GALNT15: variants seen among roughly 807,000 people sequenced by gnomAD.
GALNT15 encodes polypeptide N-acetylgalactosaminyltransferase 15.
A neutral mutation model predicts 66.8 loss-of-function variants in GALNT15; 67 were observed. That is an observed-to-expected ratio of 1.00 (90% CI 0.82 to 1.23). The LOEUF (loss-of-function observed/expected upper bound fraction) is 1.23, where lower values mean the gene tolerates loss of function less well. Among genes scored for constraint, GALNT15 ranks in the 50% most tolerant of loss-of-function variants. The pLI is 0.00. For synonymous variants in GALNT15, 313 were observed against 311.5 expected, an observed-to-expected ratio of 1.00 and a Z score of -0.05; for missense variants, 827 against 804.3, an observed-to-expected ratio of 1.03 and a Z score of -0.34.
At chr3:16,205,435 GTTGGCAGC>G (rs1316435352) in intron 3 of GALNT15, among the ~76,000 whole-genome samples, 2 of 152,206 alleles carry the variant, frequency 1.3e-5, no homozygotes, top group Non-Finnish European at 2.9e-5. Context: ...ACCAGTCTTT[GTTGGCAGC>G]TTGACTCCTT....
chr3:16,235,743 G>A (rs1306410877), downstream of GALNT15, among the ~76,000 whole-genome samples: 3 of 152,158 alleles, frequency 2.0e-5, no homozygotes, highest in African/African-American at 7.2e-5. Context: ...TCAAGGAACA[G>A]GGATAAGTCC....
In GALNT15 at chr3:16,219,715, C is replaced by T. The variant is rs1448616839; in HGVS notation, c.1524+181C>T. ...AAGGTGGCTGAGTTTTGCCCCATTA[C>T]CCACCCCAAAGCACCTCCTTCAAGA... On this transcript the variant is annotated intron_variant, in intron 7 of 9. Coordinates refer to ENST00000339732, the MANE Select transcript of GALNT15 (RefSeq NM_054110.5). The surrounding 1 kb of genome is among the most constrained non-coding windows in gnomAD (Gnocchi z 4.3). Among the ~76,000 whole-genome samples the T allele has an allele frequency of 2.0e-4, 31 of 152,360 alleles. No homozygotes were observed. The highest frequency in any genetic ancestry group is 7.3e-5 in the Non-Finnish European group (5 of 68,028).
the GALNT15 span, among the ~76,000 whole-genome samples, chr3:16,239,897 C>A: frequency 1.3e-5 from 2 of 152,220 alleles, no homozygotes; most frequent in Admixed American, 6.5e-5. This position sits in a 1 kb window ranked among gnomAD's most constrained non-coding sequence, Gnocchi z 5.2. Flanking sequence ...ACAATAGTGA[C>A]AACCTTTTAA....
chr3:16,212,836 C>A (rs2063832018), intron 6 of GALNT15, 73 bp downstream of exon 6: 1 of 1,344,946 alleles, frequency 7.4e-7, no homozygotes, highest in African/African-American at 1.5e-5. Context: ...AGGGAGGGCT[C>A]CTTTCTCTTG....
Position 16,191,743 on chromosome 3 carries a change from G to A in GALNT15, c.540-4017G>A, listed in dbSNP as rs1047051630. Among the ~76,000 whole-genome samples the A allele has an allele frequency of 6.6e-6, 1 of 152,156 alleles. No homozygotes were observed. Among genetic ancestry groups the A allele is most frequent in the African/African-American group, 2.4e-5 (1 of 41,428 alleles). Reference sequence around the variant, plus strand: ...AATACAAATTTCTTTCATTGAAGGAGGCCCTGCTCCATGCCAGGCACTGTG... The same window carrying A: ...AATACAAATTTCTTTCATTGAAGGAAGCCCTGCTCCATGCCAGGCACTGTG... On this transcript the variant is annotated intron_variant, in intron 1 of 9. Transcript: ENST00000339732. This position sits in a 1 kb window ranked among gnomAD's most constrained non-coding sequence, Gnocchi z 5.2.
intron 9 of GALNT15, among the ~76,000 whole-genome samples, chr3:16,223,697 T>C (rs2124904453): frequency 6.6e-6 from 1 of 151,370 alleles, no homozygotes; most frequent in Non-Finnish European, 1.5e-5. Flanking sequence ...AAGTCTTTTT[T>C]TTTTTTTTTT....
Position 16,219,996 on chromosome 3 carries a change from T to TGACAG in GALNT15, c.1612_1616dup (p.Ser539ArgfsTer34). 6.2e-7 allele frequency: 1 copy of TGACAG among 1,614,038 alleles called. No homozygotes were observed. The highest frequency in any genetic ancestry group is 8.5e-7 in the Non-Finnish European group (1 of 1,179,902). ...GTCCCATGGTGTTGGCTCCTTGCAGTGACAGCCGGCAGCAACAGGTGGGTA... is the reference window on the plus strand; with the variant it reads ...GTCCCATGGTGTTGGCTCCTTGCAGTGACAGGACAGCCGGCAGCAACAGGTGGGTA... On this transcript the variant is annotated frameshift_variant, in exon 8 of 10. Coordinates refer to ENST00000339732, the MANE Select transcript of GALNT15 (RefSeq NM_054110.5). LOFTEE classifies it high-confidence loss of function. This position sits in a 1 kb window ranked among gnomAD's most constrained non-coding sequence, Gnocchi z 4.3.
intron 9 of GALNT15, among the ~76,000 whole-genome samples, chr3:16,226,728 C>A (rs1344530355): frequency 6.6e-6 from 1 of 152,220 alleles, no homozygotes; most frequent in African/African-American, 2.4e-5. Context: ...ATATCAATCT[C>A]AAACATTAAT....
chr3:16,214,527 C>G (rs34343698), intron 6 of GALNT15, among the ~76,000 whole-genome samples: 21,209 of 152,166 alleles, frequency 0.14, 1,608 homozygotes, highest in South Asian at 0.28. Context: ...ACTATTAATA[C>G]CATCGTTATT....
chr3:16,199,248 TTCTTA>T lies in GALNT15; in HGVS notation c.707-1365_707-1361del, dbSNP rs1559682044. On this transcript the variant is annotated intron_variant, in intron 2 of 9. Transcript: ENST00000339732. ...TGCACTCACACACACAATCAAGTTA[TTCTTA>T]TCTTAAACACAAAACCTAACAAGCT... 5.8e-5 allele frequency among the ~76,000 whole-genome samples: 8 copies of T among 137,592 alleles called. 3 individuals carry two copies. The South Asian group carries it at 1.8e-3, about 31-fold the overall frequency. 90.3% of individuals were successfully genotyped at this position (137,592 alleles called of 152,430 possible).
downstream of GALNT15, among the ~76,000 whole-genome samples, chr3:16,233,099 T>TTTTTTG (rs1365077981): frequency 2.0e-4 from 21 of 103,290 alleles, 1 homozygote; most frequent in African/African-American, 8.3e-4. Flanking sequence ...TGCATCTTTT[T>TTTTTTG]TTTTTTTTTT....
chr3:16,193,267 C>A lies in GALNT15; in HGVS notation c.540-2493C>A, dbSNP rs1401109504. Reference sequence around the variant, plus strand: ...TCTCAGAGTCAAATTTAAATTCATTCTAGAAATACCTAGGCCCTTATAACC... The same window carrying A: ...TCTCAGAGTCAAATTTAAATTCATTATAGAAATACCTAGGCCCTTATAACC... On this transcript the variant is annotated intron_variant, in intron 1 of 9. Transcript: ENST00000339732. The surrounding 1 kb of genome is among the most constrained non-coding windows in gnomAD (Gnocchi z 4.7). Among the ~76,000 whole-genome samples the A allele has an allele frequency of 6.6e-6, 1 of 152,126 alleles. No individual in the cohort carries two copies. Among genetic ancestry groups the A allele is most frequent in the Non-Finnish European group, 1.5e-5 (1 of 68,010 alleles).
chr3:16,198,072 G>A (rs2063659159), intron 2 of GALNT15, among the ~76,000 whole-genome samples: 1 of 142,898 alleles, frequency 7.0e-6, no homozygotes, highest in Middle Eastern at 3.6e-3. Context: ...TGGCTGCACA[G>A]AACAGAAACC....
rs2063992145 is a variant in GALNT15, at chr3:16,225,106, C to T, written c.1774-2248C>T. Among the ~76,000 whole-genome samples, 1 of 152,088 alleles carries T rather than the reference C, an allele frequency of 6.6e-6. No individual in the cohort carries two copies. Among genetic ancestry groups the T allele is most frequent in the African/African-American group, 2.4e-5 (1 of 41,404 alleles). On this transcript the variant is annotated intron_variant, in intron 9 of 9. Transcript: ENST00000339732. The surrounding 1 kb of genome is among the most constrained non-coding windows in gnomAD (Gnocchi z 4.4). ...CTTATGGCAGAAGATGAAGTGGGAG[C>T]AGGCATATCACATGGTGAAAGCAGG...
intron 3 of GALNT15, among the ~76,000 whole-genome samples, chr3:16,201,272 C>T (rs979522123): frequency 6.6e-6 from 1 of 152,104 alleles, no homozygotes; most frequent in African/African-American, 2.4e-5. Context: ...AGCTGCGCCT[C>T]CCGGGTTCAC....
At chr3:16,177,947 C>T (rs113506494) in intron 1 of GALNT15, among the ~76,000 whole-genome samples, 16 of 151,950 alleles carry the variant, frequency 1.1e-4, no homozygotes, top group Non-Finnish European at 1.6e-4. Context: ...GTGCTGTGCA[C>T]GTATTTGTGT....
At chr3:16,241,025 C>T in the GALNT15 span, among the ~76,000 whole-genome samples, 3 of 152,178 alleles carry the variant, frequency 2.0e-5, no homozygotes, top group Non-Finnish European at 4.4e-5. This position sits in a 1 kb window ranked among gnomAD's most constrained non-coding sequence, Gnocchi z 4.6. Flanking sequence ...CCAGCTTCTT[C>T]TTACCTATCA....
downstream of GALNT15, among the ~76,000 whole-genome samples, chr3:16,235,584 ATC>A (rs1252484225): frequency 2.6e-5 from 4 of 152,208 alleles, no homozygotes; most frequent in Non-Finnish European, 5.9e-5. Context: ...TCAAGAAGGT[ATC>A]TCTAGTGAGG....
In GALNT15 at chr3:16,176,918, C is replaced by T. The variant is rs150154576; in HGVS notation, c.539+1228C>T. 1.8e-4 allele frequency among the ~76,000 whole-genome samples: 28 copies of T among 152,214 alleles called. No individual in the cohort carries two copies. In the East Asian group the frequency reaches 3.5e-3, roughly 19 times the overall value. On this transcript the variant is annotated intron_variant, in intron 1 of 9. Coordinates refer to ENST00000339732, the MANE Select transcript of GALNT15 (RefSeq NM_054110.5). This position sits in a 1 kb window ranked among gnomAD's most constrained non-coding sequence, Gnocchi z 5.6. ...GAACATCTCCTTAAATTGTGTGCCC[C>T]GGGTGCCTCACTCACCGCACCCTAC...
Sources: gnomAD v4.1 joint callset for allele counts (sites outside exome capture counted in the v4.1 genomes callset) on GRCh38, gnomAD v4.1.1 for gene constraint, Gnocchi (gnomAD v3.1) non-coding constraint, MANE v1.5 for transcripts, NCBI Gene and HGNC (gene_info 2026-07-23, HGNC 2026-07-21) for gene names.